The following ZNF766 variants were observed in gnomAD, a reference collection of about 807,000 sequenced individuals.
ZNF766 encodes the protein zinc finger protein 766.
A neutral mutation model predicts 13.2 loss-of-function variants in ZNF766; 13 were observed. That is an observed-to-expected ratio of 0.98 (90% CI 0.64 to 1.56). The LOEUF (loss-of-function observed/expected upper bound fraction) is 1.56. Among genes scored for constraint, ZNF766 ranks in the 40% most tolerant of loss-of-function variants. The pLI is 0.00. For missense variants in ZNF766, 521 were observed against 552.2 expected (o/e 0.94, Z 0.57); for synonymous variants, 178 against 187.6 (o/e 0.95, Z 0.42).
At chr19:52,280,453 G>C (rs1004003939) in intron 1 of ZNF766, among the ~76,000 whole-genome samples, 4 of 152,150 alleles carry the variant, frequency 2.6e-5, no homozygotes, top group African/African-American at 9.7e-5. Flanking sequence ...AATTGTATAT[G>C]TGTATTACTT....
Position 52,291,270 on chromosome 19 carries a change from A to C in ZNF766, c.*72A>C. ...AGTCTATACTAGAAAGAAATCATTT[A>C]AATGTACTATATGTGGCACAGGCTG... On this transcript the variant is annotated 3_prime_UTR_variant, in exon 4 of 4. Transcript: ENST00000439461. 1 of 1,415,108 alleles carries C rather than the reference A, an allele frequency of 7.1e-7. No individual in the cohort carries two copies. Among genetic ancestry groups the C allele is most frequent in the Non-Finnish European group, 9.6e-7 (1 of 1,046,680 alleles). The allele number at this position is 1,415,108 out of a possible 1,614,324, so 87.7% of individuals were successfully genotyped here.
At chr19:52,274,948 A>G (rs1490885054) in intron 1 of ZNF766, among the ~76,000 whole-genome samples, 1 of 152,256 alleles carries the variant, frequency 6.6e-6, no homozygotes, top group Non-Finnish European at 1.5e-5. Context: ...AAGGTTTGAA[A>G]ACATAGGCAC....
Position 52,290,079 on chromosome 19 carries a change from A to G in ZNF766, c.288A>G (p.Ala96=), listed in dbSNP as rs12462567. The G allele has an allele frequency of 0.028, 44,840 of 1,609,960 alleles. 880 individuals carry two copies. The highest frequency in any genetic ancestry group is 0.097 in the African/African-American group (7,285 of 74,908). Residue 96 remains alanine, a synonymous_variant, in exon 4 of 4, where the codon GCA becomes GCG. Coordinates refer to ENST00000439461, the MANE Select transcript of ZNF766 (RefSeq NM_001010851.3). ...TTGCTTTCCTAGGGAGGAGCTGTGC[A>G]GTGAGAAGCAAAGCAGGAAACAAGC... The part of the protein sequence containing the change: ...IKDINTGRSC[A]VRSKAGNKPI...
chr19:52,286,231 G>C (rs545090835), intron 3 of ZNF766, among the ~76,000 whole-genome samples: 2 of 149,042 alleles, frequency 1.3e-5, no homozygotes, highest in Admixed American at 1.3e-4. Context: ...TTTCAATATT[G>C]AGTATGATGT....
chr19:52,274,846 A>G (rs894686970), intron 1 of ZNF766, among the ~76,000 whole-genome samples: 1 of 152,120 alleles, frequency 6.6e-6, no homozygotes, highest in Non-Finnish European at 1.5e-5. Context: ...ATGAGCCAAT[A>G]GGAAACTGAA....
chr19:52,286,763 T>C (rs961004223), intron 3 of ZNF766, among the ~76,000 whole-genome samples: 3 of 152,246 alleles, frequency 2.0e-5, no homozygotes, highest in Non-Finnish European at 4.4e-5. Flanking sequence ...CATTTTAATA[T>C]GCTGCTGAAT....
At chr19:52,284,782 C>T (rs1600200890) in intron 3 of ZNF766, 1 of 151,852 alleles carries the variant, frequency 6.6e-6, no homozygotes, top group Admixed American at 6.6e-5. Context: ...TGAAACACTT[C>T]GTTATGTTTA....
rs1329557843 is a variant in ZNF766 at position 52,291,280 on chromosome 19, T to C, written c.*82T>C. On this transcript the variant is annotated 3_prime_UTR_variant, in exon 4 of 4. Transcript: ENST00000439461. ...AGAAAGAAATCATTTAAATGTACTA[T>C]ATGTGGCACAGGCTGTATCGAGACC... 2 of 1,351,834 alleles carry C rather than the reference T, an allele frequency of 1.5e-6. No homozygotes were observed. Among genetic ancestry groups the C allele is most frequent in the Non-Finnish European group, 2.0e-6 (2 of 991,744 alleles). 83.7% of individuals were successfully genotyped at this position (1,351,834 alleles called of 1,614,324 possible).
chr19:52,291,161 A>G lies in ZNF766; in HGVS notation c.1370A>G (p.His457Arg). ...AGGCACAGTTCATGGTTTGTACAGC[A>G]TCAGAGAAGTGTTCATGAGAGAGTC... is the stretch of plus-strand genomic sequence containing the variant. Reference protein sequence around the residue: ...VFRHSSWFVQHQRSVHERVLT... With the variant: ...VFRHSSWFVQRQRSVHERVLT... Residue 457 changes from histidine (H) to arginine (R), a missense_variant, in exon 4 of 4, where the codon CAT (histidine) becomes CGT (arginine). His to Arg is a conservative substitution (Grantham distance 29, BLOSUM62 0). Transcript: ENST00000439461. 6.3e-7 allele frequency: 1 copy of G among 1,599,560 alleles called. No individual in the cohort carries two copies. Among genetic ancestry groups the G allele is most frequent in the African/African-American group, 1.3e-5 (1 of 74,604 alleles).
Position 52,290,267 on chromosome 19 carries a change from A to T in ZNF766, c.476A>T (p.His159Leu), listed in dbSNP as rs1555796356. The T allele has an allele frequency of 1.9e-6, 3 of 1,613,804 alleles. No individual in the cohort carries two copies. The African/African-American group carries it at 4.0e-5, about 22-fold the overall frequency. ...LQRIYSGVKT[H>L]IFNKHRNDFV... ...AGAATTTACTCTGGGGTCAAAACCC[A>T]CATATTTAATAAACATAGGAATGAT... Residue 159 changes from histidine (H) to leucine (L), a missense_variant, in exon 4 of 4, where the codon CAC becomes CTC. Physicochemically the swap from His to Leu is moderately conservative, Grantham distance 99. Transcript: ENST00000439461.
At chr19:52,280,018 A>T (rs1251214174) in intron 1 of ZNF766, among the ~76,000 whole-genome samples, 4 of 150,682 alleles carry the variant, frequency 2.7e-5, no homozygotes, top group African/African-American at 9.8e-5. Context: ...CTGGTCTCGA[A>T]CTCCTCACCT....
chr19:52,274,452 G>A (rs150689530), intron 1 of ZNF766: 29 of 152,570 alleles, frequency 1.9e-4, no homozygotes, highest in African/African-American at 6.5e-4. Context: ...AACAAACCTA[G>A]TGCGTTACCA....
At position 52,292,179 on chromosome 19, in the gene ZNF766, T is replaced by G. The variant is rs1982179446; in HGVS notation, c.*981T>G. Reference sequence around the variant, plus strand: ...TCACTGTGGTCTGGGAAAGAATCAGTAAGATGACAGGGCTGACTTCATTAG... The same window carrying G: ...TCACTGTGGTCTGGGAAAGAATCAGGAAGATGACAGGGCTGACTTCATTAG... On this transcript the variant is annotated 3_prime_UTR_variant, in exon 4 of 4. Transcript: ENST00000439461. The G allele has an allele frequency of 1.4e-5, 10 of 702,834 alleles. No homozygotes were observed. In the East Asian group the frequency reaches 2.7e-4, roughly 19 times the overall value. The allele number at this position is 702,834 out of a possible 1,614,324, so 43.5% of individuals were successfully genotyped here.
intron 3 of ZNF766, among the ~76,000 whole-genome samples, chr19:52,287,147 TTC>T: frequency 6.6e-6 from 1 of 151,760 alleles, no homozygotes. Flanking sequence ...CTCTGCAGTT[TTC>T]TTTTTTTTTT....
chr19:52,294,124 C>T lies in ZNF766; in HGVS notation c.*2926C>T, dbSNP rs1327829842. 3.3e-5 allele frequency: 5 copies of T among 152,086 alleles called. No individual in the cohort carries two copies. The highest frequency in any genetic ancestry group is 7.4e-5 in the Non-Finnish European group (5 of 68,008). The allele number at this position is 152,086 out of a possible 1,614,324, so 9.4% of individuals were successfully genotyped here. On this transcript the variant is annotated 3_prime_UTR_variant, in exon 4 of 4. Transcript: ENST00000439461. ...TTTTCAGGAAGCGAAAATACAGATA[C>T]AGTAATATGGAAAATAGGACAAAGT... is the stretch of plus-strand genomic sequence containing the variant.
chr19:52,287,149 CTT>C (rs565661735), intron 3 of ZNF766, among the ~76,000 whole-genome samples: 1 of 145,530 alleles, frequency 6.9e-6, no homozygotes, highest in African/African-American at 2.5e-5. Context: ...CTGCAGTTTT[CTT>C]TTTTTTTTTG....
Position 52,295,666 on chromosome 19 carries a change from A to T in ZNF766, c.*4468A>T, listed in dbSNP as rs749846709. The T allele has an allele frequency of 2.0e-5, 3 of 152,196 alleles. No homozygotes were observed. Among genetic ancestry groups the T allele is most frequent in the Non-Finnish European group, 2.9e-5 (2 of 68,038 alleles). 9.4% of individuals were successfully genotyped at this position (152,196 alleles called of 1,614,324 possible). ...AAAAATGCTTTCACTATATTAGAGGACTTGAAGTAACGTGAAGTGATTCCA... is the reference window on the plus strand; with the variant it reads ...AAAAATGCTTTCACTATATTAGAGGTCTTGAAGTAACGTGAAGTGATTCCA... On this transcript the variant is annotated 3_prime_UTR_variant, in exon 4 of 4. Transcript: ENST00000439461.
chr19:52,284,474 T>C (rs1477015327), intron 3 of ZNF766, among the ~76,000 whole-genome samples: 1 of 152,190 alleles, frequency 6.6e-6, no homozygotes, highest in African/African-American at 2.4e-5. Context: ...AAGTCAGTGA[T>C]TTTCCTACTC....
In ZNF766 at chr19:52,279,789, C is replaced by CTTTT. The variant is rs984101828; in HGVS notation, c.19-2301_19-2298dup. Among the ~76,000 whole-genome samples the CTTTT allele has an allele frequency of 2.6e-3, 170 of 64,878 alleles. 3 individuals are homozygous for CTTTT. Among genetic ancestry groups the CTTTT allele is most frequent in the South Asian group, 3.5e-3 (6 of 1,704 alleles). The allele number at this position is 64,878 out of a possible 152,430, so 42.6% of individuals were successfully genotyped here. ...TTTTTTTTTTCATGATTTACCTTTT[C>CTTTT]TTTTTTTTTTTTTTTTTTTTTTTTG... On this transcript the variant is annotated intron_variant, in intron 1 of 3. Coordinates refer to ENST00000439461, the MANE Select transcript of ZNF766 (RefSeq NM_001010851.3).
Sources: allele counts gnomAD v4.1 joint callset (sites outside exome capture counted in the v4.1 genomes callset), GRCh38; gene constraint gnomAD v4.1.1; transcripts MANE v1.5; gene names NCBI Gene and HGNC (gene_info 2026-07-23, HGNC 2026-07-21).